Variants in NCKAP5 observed in about 807,000 individuals in gnomAD.
The protein encoded by NCKAP5 is nck-associated protein 5.
NCKAP5 carries 92 observed loss-of-function variants against 167.0 expected under a neutral mutation model. The ratio of observed to expected loss-of-function variants is 0.55; its 90% confidence interval spans 0.47 to 0.66. NCKAP5 has a LOEUF of 0.66. Ranked by LOEUF, NCKAP5 falls within the 30% of genes least tolerant of loss-of-function variation. The pLI, the probability that NCKAP5 is intolerant of heterozygous loss-of-function variation, is 0.00. For missense variants in NCKAP5, 2,378 were observed against 2,315.0 expected (o/e 1.03, Z -0.56); for synonymous variants, 891 against 877.4 (o/e 1.02, Z -0.27).
intron 6 of NCKAP5, among the ~76,000 whole-genome samples, chr2:133,008,842 T>C (rs990234976): frequency 2.0e-5 from 3 of 152,008 alleles, no homozygotes; most frequent in African/African-American, 7.2e-5. Context: ...TACACTGGGG[T>C]CTCATGAATG....
chr2:133,518,105 G>C (rs1684164964), intron 2 of NCKAP5, among the ~76,000 whole-genome samples: 1 of 152,064 alleles, frequency 6.6e-6, no homozygotes, highest in Non-Finnish European at 1.5e-5. Context: ...TTCCTTTGGG[G>C]ATAGATTGAT....
At chr2:132,765,463 T>C (rs1356933617) in intron 16 of NCKAP5, among the ~76,000 whole-genome samples, 3 of 152,068 alleles carry the variant, frequency 2.0e-5, no homozygotes, top group Admixed American at 2.0e-4. Flanking sequence ...TACAGGCGCG[T>C]GGCACCACGC....
chr2:133,061,447 G>T (rs749232263), intron 6 of NCKAP5, among the ~76,000 whole-genome samples: 2 of 152,164 alleles, frequency 1.3e-5, no homozygotes, highest in African/African-American at 2.4e-5. Flanking sequence ...GAAATAACAT[G>T]TACAATAAAC....
intron 16 of NCKAP5, among the ~76,000 whole-genome samples, chr2:132,746,168 C>A (rs1023586257): frequency 1.3e-5 from 2 of 151,788 alleles, no homozygotes; most frequent in Non-Finnish European, 2.9e-5. Flanking sequence ...TATAAGGCTA[C>A]GTTCATTAAG....
At chr2:132,990,637 C>T (rs2077423158) in intron 7 of NCKAP5, among the ~76,000 whole-genome samples, 1 of 151,950 alleles carries the variant, frequency 6.6e-6, no homozygotes, top group Non-Finnish European at 1.5e-5. Context: ...TAAGAGGGAC[C>T]CTAGAGAGGA....
chr2:132,988,700 T>C (rs4954014), intron 7 of NCKAP5, among the ~76,000 whole-genome samples: 120,069 of 152,134 alleles, frequency 0.79, 47,826 homozygotes, highest in African/African-American at 0.89. Context: ...GTGTGGGTTG[T>C]TATGGCATGG....
At position 133,024,195 on chromosome 2, in the gene NCKAP5, G is replaced by A. The variant is rs184448795; in HGVS notation, c.342-29956C>T. ...AAGCTCTTCCAAAGAAAATTCAAAG[G>A]ATACTCAAAACTATCTCACAAAAAA... On this transcript the variant is annotated intron_variant, in intron 6 of 19. Transcript: ENST00000409261. Among the ~76,000 whole-genome samples, 523 of 152,212 alleles carry A rather than the reference G, an allele frequency of 3.4e-3. 3 individuals are homozygous for A. The highest frequency in any genetic ancestry group is 0.014 in the Middle Eastern group (4 of 294).
intron 3 of NCKAP5, among the ~76,000 whole-genome samples, chr2:133,487,594 AG>A (rs1366070868): frequency 5.3e-5 from 8 of 152,160 alleles, no homozygotes; most frequent in African/African-American, 1.7e-4. Context: ...GTTATTAGGC[AG>A]GGGGGAGTTG....
intron 2 of NCKAP5, among the ~76,000 whole-genome samples, chr2:133,535,978 T>C (rs550221934): frequency 6.6e-6 from 1 of 152,218 alleles, no homozygotes; most frequent in East Asian, 1.9e-4. Context: ...GGCCACTTTC[T>C]AATGCAGTTG....
At chr2:132,797,226 T>G (rs186710727) in intron 11 of NCKAP5, among the ~76,000 whole-genome samples, 30 of 152,340 alleles carry the variant, frequency 2.0e-4, no homozygotes, top group African/African-American at 7.2e-4. Flanking sequence ...AAGTCATTAA[T>G]GTCATCTGTT....
chr2:133,273,764 G>C (rs897403688), intron 4 of NCKAP5, among the ~76,000 whole-genome samples: 4 of 151,436 alleles, frequency 2.6e-5, no homozygotes, highest in African/African-American at 7.3e-5. Context: ...GCAATGTAAA[G>C]ATGATTTGGC....
intron 8 of NCKAP5, among the ~76,000 whole-genome samples, chr2:132,958,501 T>C (rs749305520): frequency 1.3e-5 from 2 of 152,240 alleles, no homozygotes; most frequent in Non-Finnish European, 2.9e-5. Context: ...TAAAATTCTC[T>C]AAATGGCTTC....
At chr2:133,401,807 CT>C (rs1688119588) in intron 3 of NCKAP5, among the ~76,000 whole-genome samples, 1 of 152,182 alleles carries the variant, frequency 6.6e-6, no homozygotes. Context: ...TCCTTTTTGA[CT>C]TTTGTTAGCT....
the NCKAP5 span, among the ~76,000 whole-genome samples, chr2:133,620,600 T>G: frequency 6.6e-6 from 1 of 152,176 alleles, no homozygotes; most frequent in East Asian, 1.9e-4. Context: ...CACCTAACAC[T>G]GGAGTTCCCA....
intron 6 of NCKAP5, among the ~76,000 whole-genome samples, chr2:133,084,699 C>A (rs188520666): frequency 2.4e-4 from 36 of 152,262 alleles, no homozygotes; most frequent in Admixed American, 2.3e-3. Context: ...ATACATCAAG[C>A]TTTCCACTAC....
chr2:133,280,939 T>G (rs892260125), intron 4 of NCKAP5, among the ~76,000 whole-genome samples: 3 of 152,186 alleles, frequency 2.0e-5, no homozygotes, highest in Non-Finnish European at 2.9e-5. Context: ...AATATTGCCC[T>G]CTTACAAGAT....
intron 9 of NCKAP5, among the ~76,000 whole-genome samples, chr2:132,872,853 A>G (rs1690935443): frequency 6.6e-6 from 1 of 152,230 alleles, no homozygotes; most frequent in African/African-American, 2.4e-5. Context: ...GGGTTAAAAC[A>G]GTGCCTATGT....
chr2:133,460,333 T>C (rs1692127825), intron 3 of NCKAP5, among the ~76,000 whole-genome samples: 1 of 152,200 alleles, frequency 6.6e-6, no homozygotes, highest in East Asian at 1.9e-4. Context: ...AGCTACCTGA[T>C]TTTAGAATTA....
intron 2 of NCKAP5, chr2:133,554,343 G>T (rs191047479): frequency 5.3e-5 from 8 of 152,272 alleles, no homozygotes; most frequent in Admixed American, 2.0e-4. Flanking sequence ...GGAGGGAATC[G>T]TACAATGGGG....
Sources: gnomAD v4.1 joint callset for allele counts (sites outside exome capture counted in the v4.1 genomes callset) on GRCh38, gnomAD v4.1.1 for gene constraint, MANE v1.5 for transcripts, NCBI Gene and HGNC (gene_info 2026-07-23, HGNC 2026-07-21) for gene names.